The following CNTN5 variants were observed in gnomAD, a reference collection of about 807,000 sequenced individuals.
CNTN5 encodes contactin-5.
In CNTN5, 77 loss-of-function variants were observed where a neutral mutation model predicts 129.1. That is an observed-to-expected ratio of 0.60 (90% confidence interval 0.50 to 0.72). The LOEUF is 0.72. Among genes scored for constraint, CNTN5 ranks in the 30% least tolerant of loss-of-function variants. CNTN5 has a pLI of 0.00. For synonymous variants in CNTN5, 509 were observed against 465.6 expected (o/e 1.09, Z -1.20); for missense variants, 1,478 against 1,328.8 (o/e 1.11, Z -1.75).
intron 3 of CNTN5, among the ~76,000 whole-genome samples, chr11:99,716,033 A>AAT (rs1955205565): frequency 6.6e-6 from 1 of 151,316 alleles, no homozygotes; most frequent in Non-Finnish European, 1.5e-5. Context: ...TTTAAAAAAA[A>AAT]GTTTGGAAGA....
chr11:99,346,519 G>A (rs1347003763), intron 2 of CNTN5, among the ~76,000 whole-genome samples: 4 of 152,308 alleles, frequency 2.6e-5, no homozygotes, highest in African/African-American at 4.8e-5. Context: ...TGTGGTGGAG[G>A]AGGTGTCAGC....
Position 99,765,668 on chromosome 11 carries a change from C to T in CNTN5, c.56-53876C>T, listed in dbSNP as rs1417299496. Among the ~76,000 whole-genome samples the T allele has an allele frequency of 4.6e-5, 7 of 150,656 alleles. No individual in the cohort carries two copies. In the Admixed American group the frequency reaches 4.7e-4, roughly 10 times the overall value. On this transcript the variant is annotated intron_variant, in intron 3 of 24. Transcript: ENST00000524871. ...TAGAATGCTGTTACAAAAAAAGAAG[C>T]TAAGGAATGCTGGAATTTTTAATGT...
In CNTN5 at chr11:99,330,083, TA is replaced by T. The variant is rs542148355; in HGVS notation, c.-71+4609del. Among the ~76,000 whole-genome samples, 770 of 109,078 alleles carry T rather than the reference TA, an allele frequency of 7.1e-3. 5 individuals carry two copies. The highest frequency in any genetic ancestry group is 0.011 in the South Asian group (36 of 3,320). 71.6% of individuals were successfully genotyped at this position (109,078 alleles called of 152,430 possible). On this transcript the variant is annotated intron_variant, in intron 2 of 24. Coordinates refer to ENST00000524871, the MANE Select transcript of CNTN5 (RefSeq NM_014361.4). Reference sequence around the variant, plus strand: ...AACTTACTGAAAGTCTCGTAAGACTTAAAAAAAAAAGGAAAAGAAGTACATC... The same window carrying T: ...AACTTACTGAAAGTCTCGTAAGACTTAAAAAAAAAGGAAAAGAAGTACATC...
At chr11:99,618,576 C>T (rs1331998550) in intron 3 of CNTN5, among the ~76,000 whole-genome samples, 1 of 152,172 alleles carries the variant, frequency 6.6e-6, no homozygotes. Context: ...AAGTTTCACT[C>T]AATAGATGTT....
chr11:99,965,359 G>A (rs977054809), intron 8 of CNTN5, among the ~76,000 whole-genome samples: 2 of 151,804 alleles, frequency 1.3e-5, no homozygotes, highest in Admixed American at 6.5e-5. Context: ...TGGTATTTGT[G>A]TCTTTGTTCT....
intron 2 of CNTN5, among the ~76,000 whole-genome samples, chr11:99,462,672 C>T (rs1363828668): frequency 1.3e-5 from 2 of 152,138 alleles, no homozygotes; most frequent in Admixed American, 6.6e-5. Context: ...TGAATACGCC[C>T]GCTCCCTTGC....
At chr11:100,139,558 A>C (rs777545406) in intron 13 of CNTN5, among the ~76,000 whole-genome samples, 1 of 152,104 alleles carries the variant, frequency 6.6e-6, no homozygotes, top group Non-Finnish European at 1.5e-5. Context: ...TCATTAGGGC[A>C]GTTTCAAGAA....
At chr11:99,116,832 T>A (rs1417711833) in intron 1 of CNTN5, among the ~76,000 whole-genome samples, 1 of 152,136 alleles carries the variant, frequency 6.6e-6, no homozygotes, top group Non-Finnish European at 1.5e-5. Context: ...CTCATTTGGA[T>A]CTGTTGAATT....
chr11:100,098,028 A>T (rs1252139087), intron 13 of CNTN5, among the ~76,000 whole-genome samples: 1 of 152,014 alleles, frequency 6.6e-6, no homozygotes, highest in Non-Finnish European at 1.5e-5. Context: ...AAGATGAGCT[A>T]GGTAATAGGT....
chr11:99,154,485 A>G (rs1480967064), intron 1 of CNTN5, among the ~76,000 whole-genome samples: 1 of 152,178 alleles, frequency 6.6e-6, no homozygotes, highest in Admixed American at 6.5e-5. Context: ...ATGGGTGGCA[A>G]GGAGCACTCA....
intron 2 of CNTN5, among the ~76,000 whole-genome samples, chr11:99,490,014 T>A (rs1479039632): frequency 6.6e-6 from 1 of 152,192 alleles, no homozygotes; most frequent in East Asian, 1.9e-4. Context: ...CTGGACATAT[T>A]CACCCCTAGA....
intron 3 of CNTN5, among the ~76,000 whole-genome samples, chr11:99,684,351 A>G (rs1284908835): frequency 1.3e-5 from 2 of 151,936 alleles, no homozygotes; most frequent in Non-Finnish European, 2.9e-5. Flanking sequence ...GATATAAAAT[A>G]ATATGGGTTA....
At chr11:100,336,702 C>G (rs1184703334) in intron 21 of CNTN5, among the ~76,000 whole-genome samples, 1 of 152,152 alleles carries the variant, frequency 6.6e-6, no homozygotes, top group East Asian at 1.9e-4. Context: ...GTGCATGTGA[C>G]TTGTGAATAT....
At chr11:100,281,411 G>T (rs150516995) in intron 18 of CNTN5, among the ~76,000 whole-genome samples, 31 of 151,938 alleles carry the variant, frequency 2.0e-4, no homozygotes, top group Non-Finnish European at 4.4e-4. Flanking sequence ...ATGTCATACC[G>T]CTCTCTCCTG....
chr11:100,345,961 T>G (rs368216057), intron 23 of CNTN5, among the ~76,000 whole-genome samples: 1 of 152,166 alleles, frequency 6.6e-6, no homozygotes, highest in East Asian at 1.9e-4. Flanking sequence ...AACTTTCCAT[T>G]TGAGAAGCTG....
At chr11:99,123,669 TATAG>T (rs1858472240) in intron 1 of CNTN5, among the ~76,000 whole-genome samples, 1 of 146,200 alleles carries the variant, frequency 6.8e-6, no homozygotes, top group African/African-American at 2.5e-5. Flanking sequence ...TTTTTTTTTT[TATAG>T]TTTTAGGTTT....
chr11:100,290,227 G>C (rs1247933504), intron 18 of CNTN5, among the ~76,000 whole-genome samples: 3 of 151,458 alleles, frequency 2.0e-5, no homozygotes, highest in Non-Finnish European at 4.4e-5. Context: ...AGCTACCAAT[G>C]CCTTTCTTCA....
At chr11:99,229,541 A>AACAAC (rs113130533) in intron 1 of CNTN5, among the ~76,000 whole-genome samples, 1 of 143,622 alleles carries the variant, frequency 7.0e-6, no homozygotes, top group Non-Finnish European at 1.5e-5. Context: ...AAAAAAAAAA[A>AACAAC]AGGACACAGC....
intron 6 of CNTN5, among the ~76,000 whole-genome samples, chr11:99,909,746 G>T (rs1949606184): frequency 6.6e-6 from 1 of 151,894 alleles, no homozygotes; most frequent in South Asian, 2.1e-4. Context: ...TCACTCATAG[G>T]TGGGAATTGA....
Sources: allele counts gnomAD v4.1 joint callset (sites outside exome capture counted in the v4.1 genomes callset), GRCh38; gene constraint gnomAD v4.1.1; transcripts MANE v1.5; gene names NCBI Gene and HGNC (gene_info 2026-07-23, HGNC 2026-07-21).